KLRG1: variants seen among roughly 807,000 people sequenced by gnomAD.
KLRG1 encodes killer cell lectin like receptor G1, also known as killer cell lectin-like receptor subfamily G member 1.
KLRG1 carries 16 observed loss-of-function variants against 21.8 expected under a neutral mutation model. The observed-to-expected ratio is 0.73, with a 90% CI of 0.50 to 1.11. The LOEUF (loss-of-function observed/expected upper bound fraction) is 1.11, where lower values mean the gene tolerates loss of function less well. KLRG1 is among the 50% of genes most tolerant of loss of function. The probability of loss-of-function intolerance (pLI) is 0.00; values close to 1 mark genes in which losing one functional copy is unlikely to be tolerated. For synonymous variants in KLRG1, 69 were observed against 75.9 expected (o/e 0.91, Z 0.47); for missense variants, 173 against 218.3 (o/e 0.79, Z 1.31).
the KLRG1 span, among the ~76,000 whole-genome samples, chr12:9,174,691 T>C: frequency 6.6e-6 from 1 of 152,080 alleles, no homozygotes; most frequent in Admixed American, 6.5e-5. Context: ...ATCCAAATCA[T>C]GAATGAACTC....
intron 1 of KLRG1, among the ~76,000 whole-genome samples, chr12:8,983,055 G>A (rs147107163): frequency 2.6e-4 from 40 of 151,992 alleles, no homozygotes; most frequent in African/African-American, 9.4e-4. Context: ...TGATAAGACT[G>A]GCTTTATCAT....
the KLRG1 span, chr12:9,028,696 C>T: frequency 1.3e-5 from 6 of 461,594 alleles, no homozygotes; most frequent in East Asian, 1.1e-4. Context: ...CCCGCCTTGG[C>T]CCCCCAAAGT....
At chr12:9,185,826 C>CTTTTCTTTTCTTTTCTTTTCTT in the KLRG1 span, among the ~76,000 whole-genome samples, 4 of 31,064 alleles carry the variant, frequency 1.3e-4, no homozygotes, top group African/African-American at 4.9e-4. Context: ...TTTTTTTTTT[C>CTTTTCTTTTCTTTTCTTTTCTT]TTGACAGAGT....
At chr12:9,028,747 G>T in the KLRG1 span, 1 of 553,078 alleles carries the variant, frequency 1.8e-6, no homozygotes, top group South Asian at 1.5e-5. Context: ...CGGCCTCAGT[G>T]TCTTCTTTAA....
chr12:9,107,520 C>T, the KLRG1 span: 1 of 1,613,740 alleles, frequency 6.2e-7, no homozygotes, highest in East Asian at 2.2e-5. Flanking sequence ...AGTGTTCAAC[C>T]TACCTGTCCA....
In KLRG1 at chr12:8,991,923, T is replaced by A. The variant is rs1247515153; in HGVS notation, c.83-283T>A. 2.8e-5 allele frequency: 6 copies of A among 216,028 alleles called. No individual in the cohort carries two copies. The South Asian group carries it at 4.4e-4, about 16-fold the overall frequency. The allele number at this position is 216,028 out of a possible 1,614,324, so 13.4% of individuals were successfully genotyped here. ...AATTGTCCTCCAAAGAGGTACCAAT[T>A]TGTATTCTCACCACCTAAGTATGAG... On this transcript the variant is annotated intron_variant, in intron 1 of 4. Coordinates refer to ENST00000356986, the MANE Select transcript of KLRG1 (RefSeq NM_005810.4).
chr12:9,030,890 G>T, the KLRG1 span, among the ~76,000 whole-genome samples: 2 of 152,130 alleles, frequency 1.3e-5, no homozygotes, highest in Admixed American at 1.3e-4. Context: ...AGAGGAGTGG[G>T]GATGTTCTAT....
the KLRG1 span, among the ~76,000 whole-genome samples, chr12:9,102,115 C>T: frequency 6.6e-6 from 1 of 152,102 alleles, no homozygotes; most frequent in African/African-American, 2.4e-5. Context: ...ATATTGTAAC[C>T]TTAGGGGTCT....
At chr12:9,113,249 T>G in the KLRG1 span, 1 of 1,112,472 alleles carries the variant, frequency 9.0e-7, no homozygotes, top group Non-Finnish European at 1.3e-6. Context: ...TACATTTGGA[T>G]TCCTTCCTGC....
chr12:9,016,827 T>C, the KLRG1 span, among the ~76,000 whole-genome samples: 1 of 151,962 alleles, frequency 6.6e-6, no homozygotes, highest in African/African-American at 2.4e-5. Context: ...TTGGCCAGAC[T>C]GGTCTTGAAC....
At chr12:9,003,853 C>A (rs1282171981) in intron 3 of KLRG1, among the ~76,000 whole-genome samples, 1 of 152,012 alleles carries the variant, frequency 6.6e-6, no homozygotes, top group Non-Finnish European at 1.5e-5. Context: ...TCCCTCCCCC[C>A]TTCCCCCACC....
the KLRG1 span, among the ~76,000 whole-genome samples, chr12:9,130,300 T>G: frequency 6.6e-6 from 1 of 152,232 alleles, no homozygotes; most frequent in Non-Finnish European, 1.5e-5. Flanking sequence ...TCAATTCTTT[T>G]GGATATACAC....
chr12:9,001,099 A>T (rs1947293475), intron 3 of KLRG1, among the ~76,000 whole-genome samples: 1 of 152,204 alleles, frequency 6.6e-6, no homozygotes, highest in Non-Finnish European at 1.5e-5. Context: ...ACTTATTTTT[A>T]AACAGTATGT....
At chr12:9,000,833 T>A (rs904632203) in intron 3 of KLRG1, among the ~76,000 whole-genome samples, 1 of 152,210 alleles carries the variant, frequency 6.6e-6, no homozygotes, top group African/African-American at 2.4e-5. Flanking sequence ...TGGATATCCA[T>A]CTATTGACAG....
chr12:9,020,245 C>A, the KLRG1 span, among the ~76,000 whole-genome samples: 1 of 152,064 alleles, frequency 6.6e-6, no homozygotes, highest in South Asian at 2.1e-4. Context: ...GATTAAGGTA[C>A]AATTGACATA....
At chr12:9,115,888 T>G in the KLRG1 span, 3 of 1,515,216 alleles carry the variant, frequency 2.0e-6, no homozygotes, top group Middle Eastern at 1.7e-4. Flanking sequence ...CAGACTGTAT[T>G]GTACCCTACT....
chr12:9,080,414 A>C, the KLRG1 span: 1 of 295,354 alleles, frequency 3.4e-6, no homozygotes, highest in South Asian at 1.0e-4. Flanking sequence ...ATCGCATGCC[A>C]AATAAGACAA....
intron 3 of KLRG1, among the ~76,000 whole-genome samples, chr12:8,997,263 A>G (rs1381291482): frequency 1.3e-5 from 2 of 152,200 alleles, no homozygotes; most frequent in Non-Finnish European, 1.5e-5. Flanking sequence ...GCTAGATGTC[A>G]TAAGTTTTAC....
the KLRG1 span, among the ~76,000 whole-genome samples, chr12:9,082,290 G>A: frequency 3.3e-5 from 5 of 152,090 alleles, no homozygotes; most frequent in African/African-American, 4.8e-5. Flanking sequence ...CTAACTTCAG[G>A]TCCCAAATAG....
Sources: allele counts gnomAD v4.1 joint callset (sites outside exome capture counted in the v4.1 genomes callset), GRCh38; gene constraint gnomAD v4.1.1; transcripts MANE v1.5; gene names NCBI Gene and HGNC (gene_info 2026-07-23, HGNC 2026-07-21).